Variants in SPC25 observed in about 807,000 individuals in gnomAD.
The protein encoded by SPC25 is kinetochore protein Spc25.
A neutral mutation model predicts 29.6 loss-of-function variants in SPC25; 22 were observed. The ratio of observed to expected loss-of-function variants is 0.74; its 90% CI spans 0.53 to 1.06. The LOEUF is 1.06. SPC25 is among the 50% of genes least tolerant of loss of function. The probability of loss-of-function intolerance (pLI) is 0.00; values close to 1 mark genes in which losing one functional copy is unlikely to be tolerated. For missense variants in SPC25, 230 were observed against 255.8 expected (o/e 0.90, Z 0.69); for synonymous variants, 91 against 90.4 (o/e 1.01, Z -0.04).
At chr2:168,881,310 C>T (rs1490032342) in intron 3 of SPC25, among the ~76,000 whole-genome samples, 1 of 152,236 alleles carries the variant, frequency 6.6e-6, no homozygotes, top group African/African-American at 2.4e-5. Context: ...CTACCCACCC[C>T]TTTCTCACAC....
intron 3 of SPC25, among the ~76,000 whole-genome samples, chr2:168,880,837 T>A (rs541753968): frequency 3.5e-4 from 54 of 152,334 alleles, no homozygotes; most frequent in Admixed American, 4.6e-4. Context: ...TCAGAAGTCA[T>A]TCAACATTTA....
At chr2:168,875,824 T>C (rs1309059224) in intron 5 of SPC25, among the ~76,000 whole-genome samples, 1 of 152,134 alleles carries the variant, frequency 6.6e-6, no homozygotes, top group Non-Finnish European at 1.5e-5. Flanking sequence ...ACAATGCTGA[T>C]AGGAAGAACA....
rs61735869 is a variant in SPC25 at position 168,876,112 on chromosome 2, C to G, written c.411G>C (p.Leu137Phe). 5,314 of 1,564,986 alleles carry G rather than the reference C, an allele frequency of 3.4e-3. 74 individuals are homozygous for G. Among genetic ancestry groups the G allele is most frequent in the South Asian group, 0.03 (2,427 of 80,556 alleles). The change falls in exon 5 of 7, where the codon TTG becomes TTC. Residue 137 changes from leucine to phenylalanine, a missense_variant. Coordinates refer to ENST00000282074, the MANE Select transcript of SPC25 (RefSeq NM_020675.4). The part of the protein sequence containing the change: ...RLKRLQKSAD[L>F]YKDRLGLEIR... ...TTTCTAGTCCAAGTCGATCTTTATA[C>G]AAGTCTGCAGATTTCTGCAGCCTTT...
At chr2:168,879,423 C>T (rs1264734423) in intron 3 of SPC25, among the ~76,000 whole-genome samples, 1 of 152,220 alleles carries the variant, frequency 6.6e-6, no homozygotes, top group African/African-American at 2.4e-5. Context: ...AAACCACTTT[C>T]TTTGCTTATC....
At chr2:168,877,146 G>C in intron 4 of SPC25, 92 bp downstream of exon 4, 1 of 1,387,164 alleles carries the variant, frequency 7.2e-7, no homozygotes, top group Non-Finnish European at 9.9e-7. Context: ...TCCATTTTTA[G>C]CAATGAACTG....
intron 4 of SPC25, chr2:168,864,898 A>G: frequency 1.9e-6 from 3 of 1,614,118 alleles, no homozygotes; most frequent in Non-Finnish European, 2.5e-6. Context: ...TGAATGGGAA[A>G]AAAGGCCATT....
chr2:168,871,441 A>T lies in SPC25; in HGVS notation c.665T>A (p.Val222Asp), dbSNP rs1689981628. Residue 222 changes from valine (V) to aspartate (D), a missense_variant, in exon 7 of 7, where the codon GTT becomes GAT. Physicochemically the swap from Val to Asp is radical, Grantham distance 152 (BLOSUM62 -3). Transcript: ENST00000282074. ...TACACTATTTGTATGTTAATTATAA[A>T]CCGTGGCAGTAAAAGCTTTCCGAAC... Reference protein sequence around the residue: ...ANVRKAFTATVYN With the variant: ...ANVRKAFTATDYN 1 of 1,605,466 alleles carries T rather than the reference A, an allele frequency of 6.2e-7. No individual in the cohort carries two copies.
At chr2:168,869,142 G>A (rs532973503), downstream of SPC25, among the ~76,000 whole-genome samples, 9 of 152,256 alleles carry the variant, frequency 5.9e-5, no homozygotes, top group East Asian at 1.7e-3. Context: ...AAAGGCCTTT[G>A]ACAAAATTCA....
intron 4 of SPC25, chr2:168,864,718 G>GA: frequency 2.4e-6 from 3 of 1,226,568 alleles, no homozygotes; most frequent in South Asian, 1.5e-5. Context: ...ATCAAGTGCA[G>GA]AAAATGACAC....
rs142563594 is a variant in SPC25 at position 168,871,661 on chromosome 2, A to G, written c.551-106T>C. The G allele has an allele frequency of 1.1e-3, 1,201 of 1,064,252 alleles. 5 individuals carry two copies. The African/African-American group carries it at 0.017, about 15-fold the overall frequency. 65.9% of individuals were successfully genotyped at this position (1,064,252 alleles called of 1,614,324 possible). A position where few individuals can be genotyped will look rare whatever the true frequency, so the allele number is the denominator to read the frequency against. ...CTCATCTGGTTTGAATGTCAATTCC[A>G]TCTTAATGAAATTCTTTGAGCAAAA... On this transcript the variant is annotated intron_variant, in intron 6 of 6. Coordinates refer to ENST00000282074, the MANE Select transcript of SPC25 (RefSeq NM_020675.4).
chr2:168,874,560 C>T (rs1690054277), intron 5 of SPC25, among the ~76,000 whole-genome samples: 1 of 152,114 alleles, frequency 6.6e-6, no homozygotes, highest in African/African-American at 2.4e-5. Context: ...AACTTGGCTG[C>T]TGTGGTCTTT....
At chr2:168,876,011 C>G in intron 5 of SPC25, 61 bp downstream of exon 5, 2 of 923,756 alleles carry the variant, frequency 2.2e-6, no homozygotes, top group East Asian at 6.6e-5. Flanking sequence ...AAATTTTCCT[C>G]TACTTAAGAA....
chr2:168,886,587 T>C (rs2105837008), intron 3 of SPC25, among the ~76,000 whole-genome samples: 1 of 151,868 alleles, frequency 6.6e-6, no homozygotes, highest in East Asian at 1.9e-4. Flanking sequence ...TGGCGCGATC[T>C]GGGCTCACTG....
At chr2:168,870,222 A>C (rs1689953073), downstream of SPC25, among the ~76,000 whole-genome samples, 8 of 151,898 alleles carry the variant, frequency 5.3e-5, no homozygotes, top group South Asian at 1.5e-3. Flanking sequence ...TGGATTAAAG[A>C]CTTACATGTT....
Position 168,890,343 on chromosome 2 carries a change from C to T in SPC25, c.-40G>A. 1.0e-6 allele frequency: 1 copy of T among 985,602 alleles called. No homozygotes were observed. The highest frequency in any genetic ancestry group is 1.2e-6 in the Non-Finnish European group (1 of 830,054). The allele number at this position is 985,602 out of a possible 1,614,324, so 61.1% of individuals were successfully genotyped here. On this transcript the variant is annotated 5_prime_UTR_variant, in exon 1 of 7. Transcript: ENST00000282074. ...CTTCGCAGGCAGGCCTGAGTCCCGC[C>T]GCCTTCCCCACACCAGATCCGCGCC... is the stretch of plus-strand genomic sequence containing the variant.
intron 3 of SPC25, among the ~76,000 whole-genome samples, chr2:168,881,413 C>T (rs2105830557): frequency 6.6e-6 from 1 of 152,316 alleles, no homozygotes; most frequent in Admixed American, 6.5e-5. Flanking sequence ...CCACTTCTTC[C>T]TCTGTTTGTT....
At chr2:168,872,593 C>T (rs1456696646) in intron 6 of SPC25, among the ~76,000 whole-genome samples, 1 of 152,132 alleles carries the variant, frequency 6.6e-6, no homozygotes, top group Admixed American at 6.5e-5. Context: ...GAAACAACAG[C>T]AAAGGGCATC....
At chr2:168,868,394 C>CA (rs908317265), downstream of SPC25, among the ~76,000 whole-genome samples, 8 of 151,892 alleles carry the variant, frequency 5.3e-5, no homozygotes, top group East Asian at 3.9e-4. Context: ...AAAAACCCTT[C>CA]AAAAAAATCA....
chr2:168,889,579 A>T, intron 1 of SPC25, 46 bp from the exon 2 acceptor site: 2 of 1,555,934 alleles, frequency 1.3e-6, no homozygotes, highest in East Asian at 2.3e-5. Context: ...CTGAAATCAA[A>T]TCACCCACAT....
Sources: gnomAD v4.1 joint callset for allele counts (sites outside exome capture counted in the v4.1 genomes callset) on GRCh38, gnomAD v4.1.1 for gene constraint, MANE v1.5 for transcripts, NCBI Gene and HGNC (gene_info 2026-07-23, HGNC 2026-07-21) for gene names.